Variants in ACTG2 observed in about 807,000 individuals in gnomAD.
The protein encoded by ACTG2 is actin gamma 2, smooth muscle, also known as actin, gamma-enteric smooth muscle.
A neutral mutation model predicts 37.6 loss-of-function variants in ACTG2; 16 were observed. The observed-to-expected ratio is 0.43, with a 90% CI of 0.29 to 0.65. ACTG2 has a LOEUF of 0.65. Among genes scored for constraint, ACTG2 ranks in the 30% least tolerant of loss-of-function variants. ACTG2 has a pLI of 0.18. For synonymous variants in ACTG2, 181 were observed against 179.9 expected, an observed-to-expected ratio of 1.01 and a Z score of -0.05; for missense variants, 238 against 490.9, an observed-to-expected ratio of 0.48 and a Z score of 4.87.
chr2:73,916,801 T>C lies in ACTG2; in HGVS notation c.987+36T>C, dbSNP rs1680279509. On this transcript the variant is annotated intron_variant, in intron 8 of 8. Coordinates refer to ENST00000345517, the MANE Select transcript of ACTG2 (RefSeq NM_001615.4). ...CCTCAGTTGTCTCCATCCTGTTCTT[T>C]GTATAAAGTCTTGCCTACCTGGGAG... 7 of 1,598,550 alleles carry C rather than the reference T, an allele frequency of 4.4e-6. No homozygotes were observed. In the Admixed American group the frequency reaches 5.1e-5, roughly 12 times the overall value.
chr2:73,904,799 A>G (rs868847448), intron 3 of ACTG2, among the ~76,000 whole-genome samples: 12,537 of 129,966 alleles, frequency 0.096, 607 homozygotes, highest in Middle Eastern at 0.16. Context: ...ATATATATAT[A>G]TATATATATA....
intron 1 of ACTG2, among the ~76,000 whole-genome samples, chr2:73,894,985 T>C (rs759922604): frequency 6.6e-6 from 1 of 152,164 alleles, no homozygotes; most frequent in Non-Finnish European, 1.5e-5. Flanking sequence ...GCAAGAGCGC[T>C]ACTGCAGCAT....
chr2:73,915,582 C>T (rs1397151332), intron 7 of ACTG2, among the ~76,000 whole-genome samples: 8 of 151,032 alleles, frequency 5.3e-5, no homozygotes, highest in Non-Finnish European at 1.2e-4. Context: ...GCCAGTTTGG[C>T]GTGCAGGACC....
intron 6 of ACTG2, 81 bp from the exon 7 acceptor site, chr2:73,914,599 G>A (rs1313896741): frequency 1.8e-6 from 2 of 1,101,134 alleles, no homozygotes; most frequent in Admixed American, 5.5e-5. Context: ...ATGTGAGAAG[G>A]AGGTTTTCAT....
At chr2:73,911,924 T>G (rs552042247) in intron 5 of ACTG2, among the ~76,000 whole-genome samples, 14 of 152,234 alleles carry the variant, frequency 9.2e-5, no homozygotes, top group Non-Finnish European at 1.3e-4. Flanking sequence ...ATTCACTGAT[T>G]TATCCATTCA....
At chr2:73,897,299 C>G (rs1308480095) in intron 1 of ACTG2, 2 of 152,256 alleles carry the variant, frequency 1.3e-5, no homozygotes, top group African/African-American at 4.8e-5. Flanking sequence ...ATTGAAAACC[C>G]AGACAGGCTT....
At chr2:73,910,224 G>GTATA (rs141216749) in intron 5 of ACTG2, among the ~76,000 whole-genome samples, 9,864 of 149,152 alleles carry the variant, frequency 0.066, 429 homozygotes, top group Middle Eastern at 0.12. Flanking sequence ...CAAAAAATAT[G>GTATA]TATATATATA....
chr2:73,898,222 C>A (rs909822690), intron 1 of ACTG2, among the ~76,000 whole-genome samples: 4 of 148,638 alleles, frequency 2.7e-5, no homozygotes, highest in African/African-American at 9.8e-5. Flanking sequence ...ACATCTCAGG[C>A]TTGGGAAGTG....
chr2:73,910,487 C>A (rs1471721475), intron 5 of ACTG2, among the ~76,000 whole-genome samples: 45 of 135,490 alleles, frequency 3.3e-4, no homozygotes, highest in South Asian at 7.3e-4. Flanking sequence ...CTGCCTCAGC[C>A]TCCCATGACT....
intron 7 of ACTG2, 52 bp downstream of exon 7, chr2:73,914,923 G>T (rs1012719962): frequency 2.8e-6 from 4 of 1,434,718 alleles, no homozygotes; most frequent in Non-Finnish European, 3.7e-6. Flanking sequence ...GGGTGGAGGA[G>T]TGGGTGAGGT....
rs547989744 is a variant in ACTG2 at position 73,908,241 on chromosome 2, C to T, written c.256-432C>T. 1.7e-4 allele frequency: 80 copies of T among 469,842 alleles called. 1 individual carries two copies. The highest frequency in any genetic ancestry group is 1.1e-3 in the East Asian group (16 of 14,400). The allele number at this position is 469,842 out of a possible 1,614,324, so 29.1% of individuals were successfully genotyped here. ...GGAACTGTGCTCATGGAGGGCCACG[C>T]CATTGTCAGGAGATAGACCCTGACT... On this transcript the variant is annotated intron_variant, in intron 3 of 8. Transcript: ENST00000345517.
At chr2:73,917,995 A>G (rs1304193810) in intron 8 of ACTG2, among the ~76,000 whole-genome samples, 1 of 152,216 alleles carries the variant, frequency 6.6e-6, no homozygotes, top group Non-Finnish European at 1.5e-5. Context: ...GATCTGATGC[A>G]TTTCCCAATT....
chr2:73,902,093 T>G (rs1679903357), intron 2 of ACTG2, among the ~76,000 whole-genome samples: 1 of 149,462 alleles, frequency 6.7e-6, no homozygotes, highest in East Asian at 2.0e-4. Flanking sequence ...GGAAGAAGTG[T>G]ATGGGAGGGG....
chr2:73,901,641 A>T (rs1470017135), intron 2 of ACTG2: 5 of 976,934 alleles, frequency 5.1e-6, no homozygotes, highest in Non-Finnish European at 7.1e-6. Flanking sequence ...CGCCAGGTGT[A>T]GGGAGTTCTT....
intron 6 of ACTG2, 70 bp from the exon 7 acceptor site, chr2:73,914,610 G>A: frequency 8.1e-7 from 1 of 1,240,996 alleles, no homozygotes; most frequent in South Asian, 1.9e-5. Context: ...AGGTTTTCAT[G>A]GAGATCAAAA....
chr2:73,894,873 C>G (rs914524596), intron 1 of ACTG2, among the ~76,000 whole-genome samples: 1 of 152,254 alleles, frequency 6.6e-6, no homozygotes, highest in South Asian at 2.1e-4. Context: ...GCTTTAGACT[C>G]TAAAGGATCA....
Position 73,906,016 on chromosome 2 carries a change from TAATA to T in ACTG2, c.256-2650_256-2647del, listed in dbSNP as rs556932074. Among the ~76,000 whole-genome samples, 1,326 of 151,154 alleles carry T rather than the reference TAATA, an allele frequency of 8.8e-3. 7 individuals carry two copies. The highest frequency in any genetic ancestry group is 0.013 in the Non-Finnish European group (900 of 67,812). ...CAAATTTGAACATAGTATAATAATA[TAATA>T]AATAAAAGAATATGAAATAAATAAT... On this transcript the variant is annotated intron_variant, in intron 3 of 8. Transcript: ENST00000345517.
intron 2 of ACTG2, 108 bp from the exon 3 acceptor site, chr2:73,902,252 A>G (rs1322557573): frequency 7.6e-7 from 1 of 1,321,682 alleles, no homozygotes; most frequent in South Asian, 1.4e-5. Flanking sequence ...GGGGGAAGAA[A>G]GGCTGTTTTT....
chr2:73,901,629 C>G, intron 2 of ACTG2, 192 bp downstream of exon 2: 1 of 1,062,726 alleles, frequency 9.4e-7, no homozygotes, highest in Non-Finnish European at 1.3e-6. Context: ...TGCGTGTGTG[C>G]ACGCCAGGTG....
Sources: gnomAD v4.1 joint callset for allele counts (sites outside exome capture counted in the v4.1 genomes callset) on GRCh38, gnomAD v4.1.1 for gene constraint, MANE v1.5 for transcripts, NCBI Gene and HGNC (gene_info 2026-07-23, HGNC 2026-07-21) for gene names.